The following CATSPERT variants were observed in gnomAD, a reference collection of about 807,000 sequenced individuals.
CATSPERT encodes the protein cation channel sperm-associated targeting subunit tau.
the CATSPERT span, among the ~76,000 whole-genome samples, chr2:201,563,249 T>C: frequency 3.3e-4 from 36 of 110,028 alleles, no homozygotes; most frequent in East Asian, 5.4e-4. Context: ...GGCTCCTCAC[T>C]TCCCAGTAGG....
chr2:201,551,836 A>C, the CATSPERT span, among the ~76,000 whole-genome samples: 1 of 149,396 alleles, frequency 6.7e-6, no homozygotes, highest in Non-Finnish European at 1.5e-5. Context: ...TTAACCCGGG[A>C]GCCGGAGGTT....
At chr2:201,496,623 G>A in the CATSPERT span, among the ~76,000 whole-genome samples, 2 of 152,162 alleles carry the variant, frequency 1.3e-5, no homozygotes, top group African/African-American at 2.4e-5. Flanking sequence ...GATTACAGGC[G>A]TGAGCCACCG....
At chr2:201,544,793 T>G in the CATSPERT span, among the ~76,000 whole-genome samples, 1 of 131,344 alleles carries the variant, frequency 7.6e-6, no homozygotes, top group Non-Finnish European at 1.6e-5. Context: ...GAGACCAGCA[T>G]GGGCAACATG....
At chr2:201,543,927 T>C in the CATSPERT span, among the ~76,000 whole-genome samples, 1 of 152,190 alleles carries the variant, frequency 6.6e-6, no homozygotes, top group African/African-American at 2.4e-5. Context: ...GTTACATATG[T>C]ATACATGTGC....
chr2:201,560,465 T>TAACAACAACAACAACAAC, the CATSPERT span, among the ~76,000 whole-genome samples: 1 of 32,700 alleles, frequency 3.1e-5, no homozygotes, highest in Non-Finnish European at 7.3e-5. Flanking sequence ...ATAATAATAA[T>TAACAACAACAACAACAAC]AATAACAACA....
chr2:201,534,753 A>G, the CATSPERT span: 1 of 967,684 alleles, frequency 1.0e-6, no homozygotes, highest in African/African-American at 1.8e-5. Context: ...ATAATCACAG[A>G]TCCACAGATC....
the CATSPERT span, chr2:201,601,799 G>A: frequency 3.7e-6 from 6 of 1,611,848 alleles, no homozygotes; most frequent in African/African-American, 5.3e-5. Flanking sequence ...CATCGTTTTT[G>A]GATAGCAAGC....
chr2:201,610,452 C>T, the CATSPERT span, among the ~76,000 whole-genome samples: 546 of 59,342 alleles, frequency 9.2e-3, 4 homozygotes, highest in African/African-American at 0.023. Flanking sequence ...TGCGAGACTC[C>T]GTCTCAAAAA....
At chr2:201,487,660 A>T in the CATSPERT span, 1 of 1,613,614 alleles carries the variant, frequency 6.2e-7, no homozygotes, top group Non-Finnish European at 8.5e-7. Context: ...GCATTTCATA[A>T]TCTGATGTTT....
the CATSPERT span, among the ~76,000 whole-genome samples, chr2:201,580,192 C>T: frequency 6.6e-6 from 1 of 152,194 alleles, no homozygotes; most frequent in Non-Finnish European, 1.5e-5. Context: ...ATACTGTGTA[C>T]TTCACATTGT....
At chr2:201,601,793 GT>G in the CATSPERT span, 1 of 1,612,056 alleles carries the variant, frequency 6.2e-7, no homozygotes, top group Non-Finnish European at 8.5e-7. Context: ...TCTTCTCATC[GT>G]TTTTGGATAG....
the CATSPERT span, among the ~76,000 whole-genome samples, chr2:201,585,931 C>A: frequency 6.6e-6 from 1 of 152,156 alleles, no homozygotes; most frequent in South Asian, 2.1e-4. Flanking sequence ...AATGTGCCTG[C>A]CTCTCCTGCC....
chr2:201,581,790 T>C, the CATSPERT span, among the ~76,000 whole-genome samples: 1 of 151,032 alleles, frequency 6.6e-6, no homozygotes, highest in African/African-American at 2.4e-5. Context: ...GTATTTTTAG[T>C]AGAGATGGGG....
chr2:201,492,959 T>C, the CATSPERT span: 2 of 1,536,538 alleles, frequency 1.3e-6, no homozygotes, highest in South Asian at 1.2e-5. Flanking sequence ...GGACTCAAAA[T>C]AGGTTTTCTG....
chr2:201,521,431 C>G, the CATSPERT span, among the ~76,000 whole-genome samples: 74 of 73,208 alleles, frequency 1.0e-3, 1 homozygote, highest in South Asian at 0.027. Context: ...GAGAGACAGA[C>G]AGAGAGAGAG....
chr2:201,562,381 G>A, the CATSPERT span, among the ~76,000 whole-genome samples: 8 of 150,870 alleles, frequency 5.3e-5, no homozygotes, highest in Non-Finnish European at 8.9e-5. Flanking sequence ...TAGAGATGGG[G>A]TTTCACTGTG....
the CATSPERT span, among the ~76,000 whole-genome samples, chr2:201,590,551 G>T: frequency 3.7e-4 from 56 of 152,120 alleles, no homozygotes; most frequent in African/African-American, 1.3e-3. Context: ...GATCCCTGAG[G>T]AATGGCCACA....
the CATSPERT span, among the ~76,000 whole-genome samples, chr2:201,613,699 A>G: frequency 2.0e-5 from 3 of 152,254 alleles, no homozygotes; most frequent in Non-Finnish European, 4.4e-5. Context: ...AGCTGGACAG[A>G]GAATGAATTT....
At chr2:201,507,846 T>A in the CATSPERT span, among the ~76,000 whole-genome samples, 1 of 152,182 alleles carries the variant, frequency 6.6e-6, no homozygotes. Context: ...AGCAAGGCCT[T>A]CTTCACATGG....
Sources: allele counts gnomAD v4.1 joint callset (sites outside exome capture counted in the v4.1 genomes callset), GRCh38; gene constraint gnomAD v4.1.1; transcripts MANE v1.5; gene names NCBI Gene and HGNC (gene_info 2026-07-23, HGNC 2026-07-21).